The following ABCC6 variants were observed in gnomAD, a reference collection of about 807,000 sequenced individuals.
The protein encoded by ABCC6 is ATP-binding cassette sub-family C member 6.
In ABCC6, 126 loss-of-function variants were observed where a neutral mutation model predicts 169.5. The observed-to-expected ratio is 0.74, with a 90% CI of 0.64 to 0.86. The LOEUF (loss-of-function observed/expected upper bound fraction) is 0.86. ABCC6 is among the 40% of genes least tolerant of loss of function. The pLI, the probability that ABCC6 is intolerant of heterozygous loss-of-function variation, is 0.00. For missense variants in ABCC6, 1,733 were observed against 1,927.2 expected (o/e 0.90, Z 1.89); for synonymous variants, 752 against 814.7 (o/e 0.92, Z 1.31).
At chr16:16,208,561 A>T (rs977703892) in intron 7 of ABCC6, among the ~76,000 whole-genome samples, 167 bp downstream of exon 7, 1 of 151,912 alleles carries the variant, frequency 6.6e-6, no homozygotes, top group Non-Finnish European at 1.5e-5. Flanking sequence ...TTTAGCAGAG[A>T]TGGGGTTTCA....
At chr16:16,220,094 A>G in intron 2 of ABCC6, 147 bp from the exon 3 acceptor site, 1 of 670,916 alleles carries the variant, frequency 1.5e-6, no homozygotes, top group Admixed American at 2.2e-5. Flanking sequence ...CAACGTGCCA[A>G]TGTGAACAAT....
intron 9 of ABCC6, among the ~76,000 whole-genome samples, chr16:16,200,095 T>C (rs577733594): frequency 3.3e-5 from 5 of 151,080 alleles, no homozygotes; most frequent in African/African-American, 1.2e-4. Context: ...CAAAAATATT[T>C]CTAAAACTCA....
rs4781740 is a variant in ABCC6 at position 16,199,459 on chromosome 16, T to A, written c.1177-1277A>T. ...GGCATGACAAGGGTGAGACCTTTCA[T>A]GTGCTTCTGTGACACCAACCTGGTT... On this transcript the variant is annotated intron_variant, in intron 9 of 30. Coordinates refer to ENST00000205557, the MANE Select transcript of ABCC6 (RefSeq NM_001171.6). 1.9e-5 allele frequency among the ~76,000 whole-genome samples: 2 copies of A among 105,460 alleles called. 1 individual carries two copies. The highest frequency in any genetic ancestry group is 4.5e-5 in the Non-Finnish European group (2 of 44,354). The allele number at this position is 105,460 out of a possible 152,430, so 69.2% of individuals were successfully genotyped here.
intron 23 of ABCC6, 83 bp downstream of exon 23, chr16:16,165,540 C>T (rs2046845239): frequency 6.7e-7 from 1 of 1,497,184 alleles, no homozygotes; most frequent in Non-Finnish European, 9.3e-7. Flanking sequence ...GGTGAAACCT[C>T]ATATATGGAG....
At chr16:16,170,531 C>T (rs563850707) in intron 21 of ABCC6, among the ~76,000 whole-genome samples, 1 of 152,158 alleles carries the variant, frequency 6.6e-6, no homozygotes, top group South Asian at 2.1e-4. Flanking sequence ...TCCTACAAAT[C>T]TGAAGTTCTC....
At chr16:16,152,927 T>C (rs373856217) in intron 29 of ABCC6, among the ~76,000 whole-genome samples, 1,698 of 152,084 alleles carry the variant, frequency 0.011, 13 homozygotes, top group South Asian at 0.037. Flanking sequence ...GACGGAGTCT[T>C]ACTCTGTCAC....
At position 16,185,050 on chromosome 16, in the gene ABCC6, G is replaced by A. The variant is rs781220256; in HGVS notation, c.1868-16C>T. The A allele has an allele frequency of 1.3e-5, 21 of 1,611,058 alleles. No homozygotes were observed. In the East Asian group the frequency reaches 3.8e-4, roughly 29 times the overall value. ...TTCCCGGCAGCTGCAGGGCACAAGA[G>A]GCCATTTACAGGAGACCCCTGACCT... is the stretch of plus-strand genomic sequence containing the variant. On this transcript the variant is annotated splice_polypyrimidine_tract_variant and intron_variant, in intron 14 of 30. Coordinates refer to ENST00000205557, the MANE Select transcript of ABCC6 (RefSeq NM_001171.6).
At chr16:16,150,475 C>T (rs1347563116) in intron 30 of ABCC6, 103 bp downstream of exon 30, 4 of 1,509,206 alleles carry the variant, frequency 2.7e-6, no homozygotes, top group African/African-American at 2.8e-5. Flanking sequence ...CATTCAGGAC[C>T]CCTCCAGCTC....
chr16:16,203,219 T>A (rs2048298785), intron 8 of ABCC6, among the ~76,000 whole-genome samples, 191 bp downstream of exon 8: 1 of 152,242 alleles, frequency 6.6e-6, no homozygotes, highest in Non-Finnish European at 1.5e-5. Context: ...AGCTTGCTTA[T>A]TTGCCCTTCT....
intron 22 of ABCC6, among the ~76,000 whole-genome samples, chr16:16,168,088 G>GCC (rs1248847131): frequency 6.6e-6 from 1 of 152,212 alleles, no homozygotes; most frequent in Non-Finnish European, 1.5e-5. Context: ...CAGGCCTGGC[G>GCC]CCCCCTATTT....
chr16:16,169,268 CAAG>C (rs879579615), intron 22 of ABCC6, among the ~76,000 whole-genome samples: 12 of 152,136 alleles, frequency 7.9e-5, no homozygotes, highest in South Asian at 2.1e-4. Context: ...ACAATTATTT[CAAG>C]AAGAAGTCTT....
chr16:16,156,538 G>A (rs1442462954), intron 27 of ABCC6, among the ~76,000 whole-genome samples: 2 of 152,190 alleles, frequency 1.3e-5, no homozygotes, highest in Non-Finnish European at 2.9e-5. Flanking sequence ...CAGGGCCTGG[G>A]TTGGGTAGAG....
intron 9 of ABCC6, among the ~76,000 whole-genome samples, chr16:16,201,549 C>T (rs1332124355): frequency 1.3e-5 from 2 of 152,100 alleles, no homozygotes; most frequent in African/African-American, 2.4e-5. Flanking sequence ...AGGTCAGAGA[C>T]ACCCTAGGGA....
rs759407080 is a variant in ABCC6, at chr16:16,150,594, C to T, written c.4387G>A (p.Val1463Met). 1.6e-5 allele frequency: 25 copies of T among 1,611,694 alleles called. No homozygotes were observed. Among genetic ancestry groups the T allele is most frequent in the South Asian group, 4.4e-5 (4 of 91,002 alleles). Residue 1463 changes from valine to methionine, a missense_variant, in exon 30 of 31, where the codon GTG becomes ATG. This residue lies in a region of ABCC6 where 1,601 missense variants were observed against 1,635.5 expected (regional missense o/e 0.98). Coordinates refer to ENST00000205557, the MANE Select transcript of ABCC6 (RefSeq NM_001171.6). ...VLLIAHRLRS[V>M]MDCARVLVMD... ...GAGCCTTACCGGGCACAGTCCATCACGGAGCGCAGGCGGTGGGCAATGAGC... is the reference window on the plus strand; with the variant it reads ...GAGCCTTACCGGGCACAGTCCATCATGGAGCGCAGGCGGTGGGCAATGAGC...
chr16:16,150,640 C>A lies in ABCC6; in HGVS notation c.4341G>T (p.Trp1447Cys), dbSNP rs1333662666. 1 of 1,613,496 alleles carries A rather than the reference C, an allele frequency of 6.2e-7. No individual in the cohort carries two copies. The highest frequency in any genetic ancestry group is 1.1e-5 in the South Asian group (1 of 90,958). Residue 1447 changes from tryptophan (W) to cysteine (C), a missense_variant, in exon 30 of 31, where the codon TGG (tryptophan) becomes TGT (cysteine). By Grantham distance (215) the Trp-to-Cys change is radical. Coordinates refer to ENST00000205557, the MANE Select transcript of ABCC6 (RefSeq NM_001171.6). ...TGAGCAGCACAGTGCACTGTGCAAACCAGCTCCCGAGCATGGCCTGCATCT... is the reference window on the plus strand; with the variant it reads ...TGAGCAGCACAGTGCACTGTGCAAAACAGCTCCCGAGCATGGCCTGCATCT... The part of the protein sequence containing the change: ...ELQMQAMLGS[W>C]FAQCTVLLIA...
At chr16:16,170,919 C>CAAA (rs1220574453) in intron 21 of ABCC6, among the ~76,000 whole-genome samples, 1 of 22,294 alleles carries the variant, frequency 4.5e-5, no homozygotes, top group African/African-American at 1.6e-4. Context: ...AACTCTGTCT[C>CAAA]AAAAAAAAAA....
At chr16:16,178,453 CCTTT>C (rs1279433479) in intron 18 of ABCC6, among the ~76,000 whole-genome samples, 1 of 152,046 alleles carries the variant, frequency 6.6e-6, no homozygotes, top group African/African-American at 2.4e-5. Flanking sequence ...GCTCCTGCCG[CCTTT>C]CTTGTAAACA....
chr16:16,165,808 TG>T lies in ABCC6; in HGVS notation c.3120del (p.Ile1041LeufsTer5). Reference protein sequence around the residue: ...RSPISFFERTPIGHLLNRFSK... With the variant: ...RSPISFFERTXIGHLLNRFSK... The stretch of plus-strand genomic sequence containing the variant: ...GAGAAGCGGTTTAGCAGGTGACCAA[TG>T]GGTGTCCGCTCAAAGAAGCTGATGG... On this transcript the variant is annotated frameshift_variant, in exon 23 of 31. Transcript: ENST00000205557. LOFTEE classifies it high-confidence loss of function. 1 of 1,613,612 alleles carries T rather than the reference TG, an allele frequency of 6.2e-7. No individual in the cohort carries two copies. Among genetic ancestry groups the T allele is most frequent in the Non-Finnish European group, 8.5e-7 (1 of 1,180,044 alleles).
intron 5 of ABCC6, among the ~76,000 whole-genome samples, chr16:16,213,584 G>A (rs1339788016): frequency 3.8e-5 from 5 of 130,316 alleles, no homozygotes; most frequent in African/African-American, 1.5e-4. Flanking sequence ...TTTTTTGGTG[G>A]AGTTCCGCTC....
Sources: gnomAD v4.1 joint callset for allele counts (sites outside exome capture counted in the v4.1 genomes callset) on GRCh38, gnomAD v4.1.1 for gene constraint, gnomAD v4.1.1 regional missense constraint, MANE v1.5 for transcripts, NCBI Gene and HGNC (gene_info 2026-07-23, HGNC 2026-07-21) for gene names.